Variants in DCC observed in about 807,000 individuals in gnomAD.
The protein encoded by DCC is DCC netrin 1 receptor, also known as netrin receptor DCC.
DCC carries 58 observed loss-of-function variants against 172.5 expected under a neutral mutation model. The observed-to-expected ratio is 0.34, with a 90% CI of 0.27 to 0.42. DCC has a LOEUF of 0.42. DCC is among the 10% of genes least tolerant of loss of function. The pLI is 1.00. For synonymous variants in DCC, 709 were observed against 644.5 expected (o/e 1.10, Z -1.52); for missense variants, 1,740 against 1,791.0 (o/e 0.97, Z 0.51).
intron 2 of DCC, among the ~76,000 whole-genome samples, chr18:52,799,909 T>A (rs1335219441): frequency 2.0e-5 from 3 of 152,218 alleles, no homozygotes; most frequent in African/African-American, 7.2e-5. Context: ...TAAGCTCTAA[T>A]TGTTCTTCAG....
intron 1 of DCC, among the ~76,000 whole-genome samples, chr18:52,397,227 A>G (rs1449443433): frequency 6.6e-6 from 1 of 152,016 alleles, no homozygotes; most frequent in Non-Finnish European, 1.5e-5. Flanking sequence ...TTTCTGATTT[A>G]ATATTCTGGG....
At chr18:52,402,029 G>A (rs189539403) in intron 1 of DCC, among the ~76,000 whole-genome samples, 36 of 152,006 alleles carry the variant, frequency 2.4e-4, no homozygotes, top group African/African-American at 6.7e-4. Flanking sequence ...TCTTCAAATC[G>A]TTGCAGCTGT....
intron 9 of DCC, 52 bp from the exon 10 acceptor site, chr18:53,205,164 A>C: frequency 6.8e-7 from 1 of 1,465,188 alleles, no homozygotes; most frequent in Non-Finnish European, 9.6e-7. Context: ...GAGAACAAAA[A>C]CCCACTTATC....
At chr18:52,708,999 T>C (rs1472816550) in intron 1 of DCC, among the ~76,000 whole-genome samples, 1 of 152,178 alleles carries the variant, frequency 6.6e-6, no homozygotes, top group African/African-American at 2.4e-5. Context: ...ATAATTAATA[T>C]GCATTTAGGG....
intron 5 of DCC, among the ~76,000 whole-genome samples, chr18:53,035,869 A>T (rs1012403150): frequency 6.6e-6 from 1 of 150,390 alleles, no homozygotes; most frequent in Non-Finnish European, 1.5e-5. Context: ...ACACACTTCC[A>T]TACATATTTG....
At chr18:52,506,058 A>G (rs1343116491) in intron 1 of DCC, among the ~76,000 whole-genome samples, 2 of 152,154 alleles carry the variant, frequency 1.3e-5, no homozygotes, top group East Asian at 1.9e-4. Context: ...TGATCATAGC[A>G]TCATCCTTCT....
chr18:52,706,221 A>G (rs1233917361), intron 1 of DCC, among the ~76,000 whole-genome samples: 2 of 152,160 alleles, frequency 1.3e-5, no homozygotes, highest in Non-Finnish European at 2.9e-5. Flanking sequence ...GAACCTTTGA[A>G]CTCTAGAAAC....
intron 19 of DCC, among the ~76,000 whole-genome samples, chr18:53,406,685 C>A (rs1314672250): frequency 1.6e-5 from 2 of 126,334 alleles, no homozygotes; most frequent in African/African-American, 5.8e-5. Context: ...GCCCGGGTGA[C>A]AGAGCAAGAC....
intron 3 of DCC, among the ~76,000 whole-genome samples, chr18:52,918,401 C>A (rs909111642): frequency 1.6e-4 from 24 of 152,106 alleles, no homozygotes; most frequent in Non-Finnish European, 2.8e-4. Context: ...AAGTTCACAT[C>A]TCCCAGGGCC....
chr18:53,322,188 G>A (rs2144827214), intron 14 of DCC, 31 bp downstream of exon 14: 2 of 1,112,678 alleles, frequency 1.8e-6, no homozygotes, highest in Non-Finnish European at 2.8e-6. Context: ...CTATCACTCT[G>A]ATTATCTTCT....
At chr18:52,846,296 C>T (rs937118451) in intron 2 of DCC, among the ~76,000 whole-genome samples, 3 of 151,964 alleles carry the variant, frequency 2.0e-5, no homozygotes, top group Non-Finnish European at 4.4e-5. Flanking sequence ...AATCCCTGCA[C>T]TTTGGGAAGC....
chr18:52,907,991 T>C (rs2039915090), intron 3 of DCC, among the ~76,000 whole-genome samples: 1 of 152,212 alleles, frequency 6.6e-6, no homozygotes. Context: ...TAGAATCTCA[T>C]GTAATGCCTA....
chr18:53,233,845 G>A (rs2056158846), intron 12 of DCC, among the ~76,000 whole-genome samples: 1 of 152,194 alleles, frequency 6.6e-6, no homozygotes, highest in African/African-American at 2.4e-5. Context: ...CAGGTACAGT[G>A]GCTCAAGCCT....
chr18:53,426,810 G>T (rs1023179224), intron 21 of DCC, among the ~76,000 whole-genome samples: 1 of 152,022 alleles, frequency 6.6e-6, no homozygotes, highest in African/African-American at 2.4e-5. Context: ...GATGAAGCAC[G>T]GATGGAGACA....
At chr18:52,741,588 C>T (rs117023544) in intron 1 of DCC, among the ~76,000 whole-genome samples, 1 of 152,164 alleles carries the variant, frequency 6.6e-6, no homozygotes, top group East Asian at 1.9e-4. Flanking sequence ...CCATTGACAA[C>T]TACTACTTTA....
chr18:53,139,637 A>G (rs995613564), intron 7 of DCC, among the ~76,000 whole-genome samples: 1 of 152,152 alleles, frequency 6.6e-6, no homozygotes, highest in African/African-American at 2.4e-5. Flanking sequence ...CAAGCTTAGG[A>G]GTTAGCTGCT....
intron 9 of DCC, among the ~76,000 whole-genome samples, chr18:53,189,553 T>A (rs2055335845): frequency 6.6e-6 from 1 of 152,154 alleles, no homozygotes; most frequent in Non-Finnish European, 1.5e-5. Context: ...CAAGCTATAT[T>A]TTTCATTTTA....
chr18:52,719,042 G>C (rs2036433333), intron 1 of DCC, among the ~76,000 whole-genome samples: 1 of 152,058 alleles, frequency 6.6e-6, no homozygotes, highest in Admixed American at 6.6e-5. Flanking sequence ...AGCTCCTGAT[G>C]GCCCCAGCCA....
chr18:52,400,467 G>C (rs1437236839), intron 1 of DCC, among the ~76,000 whole-genome samples: 3 of 152,070 alleles, frequency 2.0e-5, no homozygotes, highest in Non-Finnish European at 4.4e-5. Context: ...AGGATGTGGA[G>C]AAATAGAAGC....
Sources: gnomAD v4.1 joint callset for allele counts (sites outside exome capture counted in the v4.1 genomes callset) on GRCh38, gnomAD v4.1.1 for gene constraint, MANE v1.5 for transcripts, NCBI Gene and HGNC (gene_info 2026-07-23, HGNC 2026-07-21) for gene names.